Variants in LYZL1 observed in about 807,000 individuals in gnomAD.
LYZL1 encodes lysozyme-like protein 1.
Under a neutral mutation model 17.9 loss-of-function variants are expected in LYZL1, and 16 were observed. The ratio of observed to expected loss-of-function variants is 0.90; its 90% CI spans 0.61 to 1.36. The LOEUF is 1.36. Ranked by LOEUF, LYZL1 falls within the 40% of genes most tolerant of loss-of-function variation. LYZL1 has a pLI of 0.00. For missense variants in LYZL1, 149 were observed against 188.4 expected (o/e 0.79, Z 1.22); for synonymous variants, 58 against 71.8 (o/e 0.81, Z 0.97).
intron 1 of LYZL1, 142 bp from the exon 2 acceptor site, chr10:29,291,701 G>C: frequency 9.5e-7 from 1 of 1,048,272 alleles, no homozygotes. Flanking sequence ...CTGGACCGTA[G>C]AGTGGCCGGT....
At chr10:29,298,827 A>G (rs1271626921) in intron 3 of LYZL1, among the ~76,000 whole-genome samples, 2 of 152,178 alleles carry the variant, frequency 1.3e-5, no homozygotes, top group Non-Finnish European at 2.9e-5. Context: ...ACCAGTTTGC[A>G]GAAGACCAAT....
intron 3 of LYZL1, among the ~76,000 whole-genome samples, chr10:29,305,652 G>GT (rs1835579191): frequency 6.6e-6 from 1 of 152,202 alleles, no homozygotes; most frequent in Admixed American, 6.5e-5. Context: ...TATAGCTTTA[G>GT]TTTTCACTGT....
At chr10:29,296,383 T>C (rs148502298) in intron 3 of LYZL1, among the ~76,000 whole-genome samples, 134 of 152,240 alleles carry the variant, frequency 8.8e-4, no homozygotes, top group Non-Finnish European at 1.4e-3. Context: ...CTGAAATCAG[T>C]AGCATTAGCT....
At chr10:29,295,329 G>C (rs138044931) in intron 3 of LYZL1, among the ~76,000 whole-genome samples, 329 of 152,308 alleles carry the variant, frequency 2.2e-3, no homozygotes, top group African/African-American at 7.7e-3. Context: ...CTTATTAACT[G>C]TATGCAAATG....
At position 29,316,233 on chromosome 10, in the gene LYZL1, C is replaced by T. The variant is rs184372938; in HGVS notation, c.*-1077C>T. On this transcript the variant is annotated intron_variant and NMD_transcript_variant, in intron 3 of 4. Coordinates refer to the LYZL1 transcript ENST00000494304. The stretch of plus-strand genomic sequence containing the variant: ...TCTGCCTTGAGCAGGTAATTCTTTC[C>T]CTCATTTTTCTCCCTTCTCTCATCT... Among the ~76,000 whole-genome samples the T allele has an allele frequency of 4.3e-3, 650 of 152,304 alleles. 7 individuals are homozygous for T. Among genetic ancestry groups the T allele is most frequent in the African/African-American group, 0.014 (597 of 41,574 alleles).
At chr10:29,315,518 A>T (rs1178779752), downstream of LYZL1, among the ~76,000 whole-genome samples, 2 of 151,878 alleles carry the variant, frequency 1.3e-5, no homozygotes, top group Admixed American at 6.6e-5. Flanking sequence ...CTCAAAAATA[A>T]ATAAAAATAA....
At chr10:29,306,606 G>C (rs2132832741) in intron 3 of LYZL1, among the ~76,000 whole-genome samples, 1 of 144,976 alleles carries the variant, frequency 6.9e-6, no homozygotes, top group South Asian at 2.3e-4. Context: ...TTTTAATTAT[G>C]TTTAATGTTG....
downstream of LYZL1, among the ~76,000 whole-genome samples, chr10:29,315,988 C>G (rs1054457978): frequency 1.3e-5 from 2 of 152,162 alleles, no homozygotes; most frequent in Non-Finnish European, 1.5e-5. Context: ...TTGAAGGGTC[C>G]GACTGCTTGA....
chr10:29,314,001 C>T (rs1835701773), downstream of LYZL1, among the ~76,000 whole-genome samples: 1 of 152,214 alleles, frequency 6.6e-6, no homozygotes, highest in South Asian at 2.1e-4. Flanking sequence ...AACTTGTTCC[C>T]TGTTGTTCCT....
chr10:29,312,388 T>TG (rs1835683950), downstream of LYZL1, among the ~76,000 whole-genome samples: 1 of 151,972 alleles, frequency 6.6e-6, no homozygotes, highest in African/African-American at 2.4e-5. Flanking sequence ...TTTTTTTTTT[T>TG]TGTGATTTCT....
intron 3 of LYZL1, among the ~76,000 whole-genome samples, chr10:29,304,874 C>T (rs566577874): frequency 1.6e-4 from 25 of 152,260 alleles, no homozygotes; most frequent in African/African-American, 5.5e-4. Flanking sequence ...ATCCCAACTG[C>T]GCAACTAAAT....
chr10:29,293,029 C>G (rs1835395385), intron 3 of LYZL1, among the ~76,000 whole-genome samples: 1 of 152,084 alleles, frequency 6.6e-6, no homozygotes. Flanking sequence ...TCAGAGGATG[C>G]AGTTTGTACT....
chr10:29,303,991 G>T (rs1351349127), intron 3 of LYZL1, among the ~76,000 whole-genome samples: 2 of 152,154 alleles, frequency 1.3e-5, no homozygotes, highest in Non-Finnish European at 2.9e-5. Context: ...AAACTCCTGG[G>T]CTCAAGCGAT....
At position 29,310,100 on chromosome 10, in the gene LYZL1, T is replaced by G. The variant is rs1163114338; in HGVS notation, c.299-10T>G. 1 of 1,604,654 alleles carries G rather than the reference T, an allele frequency of 6.2e-7. No individual in the cohort carries two copies. The highest frequency in any genetic ancestry group is 1.1e-5 in the South Asian group (1 of 90,470). On this transcript the variant is annotated splice_polypyrimidine_tract_variant and intron_variant, in intron 3 of 4. Coordinates refer to ENST00000649382, the MANE Select transcript of LYZL1 (RefSeq NM_032517.6). ...TCTCGCCTAACCCTGATGTCTTCTC[T>G]CTTTTACAGCCTTGATCACTGATGA...
intron 3 of LYZL1, among the ~76,000 whole-genome samples, chr10:29,299,037 G>T (rs909386116): frequency 6.6e-6 from 1 of 152,152 alleles, no homozygotes; most frequent in East Asian, 1.9e-4. Context: ...GGAAGACAGC[G>T]GTAGATCATC....
At chr10:29,310,058 C>G in intron 3 of LYZL1, 52 bp from the exon 4 acceptor site, 1 of 1,305,244 alleles carries the variant, frequency 7.7e-7, no homozygotes, top group Non-Finnish European at 1.1e-6. Flanking sequence ...AGTTGAGGTC[C>G]CTCTCCAACA....
At chr10:29,294,614 A>G (rs1269368023) in intron 3 of LYZL1, among the ~76,000 whole-genome samples, 1 of 152,238 alleles carries the variant, frequency 6.6e-6, no homozygotes, top group Non-Finnish European at 1.5e-5. Context: ...GGAGCTCAAT[A>G]AATGTTTATT....
intron 4 of LYZL1, 131 bp downstream of exon 4, chr10:29,310,319 A>G (rs1835653921): frequency 3.0e-6 from 2 of 660,440 alleles, no homozygotes; most frequent in African/African-American, 1.8e-5. Context: ...GACCTTGTCT[A>G]TATTCTCCTC....
intron 4 of LYZL1, 150 bp downstream of exon 4, chr10:29,310,338 T>C: frequency 1.6e-6 from 1 of 621,762 alleles, no homozygotes; most frequent in Admixed American, 2.8e-5. Flanking sequence ...TCCATCAGTG[T>C]GTGGGTGTGC....
Sources: allele counts gnomAD v4.1 joint callset (sites outside exome capture counted in the v4.1 genomes callset), GRCh38; gene constraint gnomAD v4.1.1; transcripts MANE v1.5; gene names NCBI Gene and HGNC (gene_info 2026-07-23, HGNC 2026-07-21).